Variants in SLC12A7 observed in about 807,000 individuals in gnomAD.
SLC12A7 encodes solute carrier family 12 member 7.
SLC12A7 carries 100 observed loss-of-function variants against 120.6 expected under a neutral mutation model. That is an observed-to-expected ratio of 0.83 (90% CI 0.71 to 0.98). The LOEUF (loss-of-function observed/expected upper bound fraction) is 0.98, where lower values mean the gene tolerates loss of function less well. SLC12A7 is among the 50% of genes least tolerant of loss of function. SLC12A7 has a pLI of 0.00. For synonymous variants in SLC12A7, 760 were observed against 678.0 expected (o/e 1.12, Z -1.88); for missense variants, 1,373 against 1,548.1 (o/e 0.89, Z 1.90).
At position 1,111,993 on chromosome 5, in the gene SLC12A7, G is replaced by A; in HGVS notation, c.-2C>T. ...CACCACGGTGAAGTTGGTGGGCATG[G>A]CCGCCTGCAGCCGACAGTCCCCGTC... is the stretch of plus-strand genomic sequence containing the variant. On this transcript the variant is annotated 5_prime_UTR_variant, in exon 1 of 24. Transcript: ENST00000264930. The A allele has an allele frequency of 5.5e-6, 7 of 1,270,468 alleles. No homozygotes were observed. The highest frequency in any genetic ancestry group is 6.9e-6 in the Non-Finnish European group (7 of 1,009,192). 78.7% of individuals were successfully genotyped at this position (1,270,468 alleles called of 1,614,324 possible).
chr5:1,119,092 G>A, the SLC12A7 span, among the ~76,000 whole-genome samples: 1 of 152,218 alleles, frequency 6.6e-6, no homozygotes, highest in South Asian at 2.1e-4. Flanking sequence ...GCAGCAGCTC[G>A]AAGCCCTCCT....
the SLC12A7 span, among the ~76,000 whole-genome samples, chr5:1,138,985 C>T: frequency 6.6e-6 from 1 of 152,248 alleles, no homozygotes; most frequent in South Asian, 2.1e-4. Context: ...CTGCACCCAC[C>T]ACCCAGGCCT....
intron 18 of SLC12A7, among the ~76,000 whole-genome samples, chr5:1,064,539 C>T (rs1736708558): frequency 6.6e-6 from 1 of 152,246 alleles, no homozygotes; most frequent in South Asian, 2.1e-4. Flanking sequence ...CCAGGGCCTT[C>T]GACAGCCTCA....
the SLC12A7 span, among the ~76,000 whole-genome samples, chr5:1,150,427 A>G: frequency 3.9e-5 from 6 of 152,226 alleles, no homozygotes; most frequent in Non-Finnish European, 5.9e-5. Context: ...ACCAAGGCCC[A>G]AAGGCCCAGC....
At chr5:1,107,722 C>T (rs74490548) in intron 1 of SLC12A7, among the ~76,000 whole-genome samples, 3,785 of 152,300 alleles carry the variant, frequency 0.025, 120 homozygotes, top group East Asian at 0.13. Flanking sequence ...TGGTGTCCAA[C>T]GCTAGACAGA....
chr5:1,075,197 G>A (rs1206646446), intron 15 of SLC12A7, among the ~76,000 whole-genome samples, 174 bp downstream of exon 15: 1 of 152,186 alleles, frequency 6.6e-6, no homozygotes, highest in Non-Finnish European at 1.5e-5. Flanking sequence ...GAAGTGGGAG[G>A]GAAACCCCAG....
In SLC12A7 at chr5:1,077,881, C is replaced by T. The variant is rs757008490; in HGVS notation, c.1581G>A (p.Pro527=). The T allele has an allele frequency of 2.5e-5, 40 of 1,597,488 alleles. No homozygotes were observed. The highest frequency in any genetic ancestry group is 3.1e-5 in the Non-Finnish European group (36 of 1,172,920). ...CACGGGCAATGGCCTGCAGTAGGCG[C>T]GGTGCCCCCGTGAGGCTCTGCAGGC... ...GAGLQSLTGA[P]RLLQAIARDG... The change falls in exon 12 of 24, where the codon CCG becomes CCA. Residue 527 remains proline, a synonymous_variant. Coordinates refer to ENST00000264930, the MANE Select transcript of SLC12A7 (RefSeq NM_006598.3).
chr5:1,087,876 G>A (rs921017019), intron 5 of SLC12A7, among the ~76,000 whole-genome samples: 4 of 151,980 alleles, frequency 2.6e-5, no homozygotes, highest in Non-Finnish European at 2.9e-5. Flanking sequence ...ATATCATCTC[G>A]GTTCACTAGT....
intron 20 of SLC12A7, among the ~76,000 whole-genome samples, chr5:1,061,038 G>T (rs1302192561): frequency 7.8e-6 from 1 of 127,508 alleles, no homozygotes; most frequent in Non-Finnish European, 1.7e-5. Flanking sequence ...CCCGCCGTGC[G>T]GGATCCCTGA....
rs374050825 is a variant in SLC12A7, at chr5:1,081,719, G to T, written c.1155C>A (p.His385Gln). 1 of 1,612,780 alleles carries T rather than the reference G, an allele frequency of 6.2e-7. No homozygotes were observed. Among genetic ancestry groups the T allele is most frequent in the African/African-American group, 1.3e-5 (1 of 74,956 alleles). The change falls in exon 9 of 24, where the codon CAC becomes CAA. Residue 385 changes from histidine to glutamine, a missense_variant. Physicochemically the swap from His to Gln is conservative, Grantham distance 24 (BLOSUM62 0). Coordinates refer to ENST00000264930, the MANE Select transcript of SLC12A7 (RefSeq NM_006598.3). ...FLENLWSTYA[H>Q]AGAFVEKKGV... Reference sequence around the variant, plus strand: ...CTTTCTTCTCCACAAACGCCCCCGCGTGCGCGTACGTACTCCACAGGTTCT... The same window carrying T: ...CTTTCTTCTCCACAAACGCCCCCGCTTGCGCGTACGTACTCCACAGGTTCT...
At position 1,098,986 on chromosome 5, in the gene SLC12A7, G is replaced by A. The variant is rs189498164; in HGVS notation, c.125-4738C>T. Among the ~76,000 whole-genome samples, 44 of 152,144 alleles carry A rather than the reference G, an allele frequency of 2.9e-4. 2 individuals carry two copies. The highest frequency in any genetic ancestry group is 7.9e-4 in the African/African-American group (33 of 41,526). ...GCACATTCATGATGACCGGAAGGCT[G>A]AGAGGACAAACGGACACAGGGGAAA... On this transcript the variant is annotated intron_variant, in intron 1 of 23. Transcript: ENST00000264930.
rs10474881 is a variant in SLC12A7 at position 1,084,141 on chromosome 5, T to C, written c.918-185A>G. On this transcript the variant is annotated intron_variant, in intron 7 of 23. Transcript: ENST00000264930. ...GGCCCAGGCCAGGCTGCAGCAGGAA[T>C]GCAAGGGCCAGGGATCACACTGGGG... Among the ~76,000 whole-genome samples the C allele has an allele frequency of 0.9, 137,189 of 152,102 alleles. 63,518 individuals carry two copies. The highest frequency in any genetic ancestry group is 1 in the East Asian group (5,165 of 5,168).
the SLC12A7 span, among the ~76,000 whole-genome samples, chr5:1,136,691 G>A: frequency 9.6e-6 from 1 of 104,252 alleles, no homozygotes; most frequent in Non-Finnish European, 1.9e-5. Context: ...AGGCACACAC[G>A]TGCTCAGACA....
At chr5:1,093,317 G>A (rs889815290) in intron 3 of SLC12A7, among the ~76,000 whole-genome samples, 2 of 152,180 alleles carry the variant, frequency 1.3e-5, no homozygotes, top group African/African-American at 4.8e-5. Context: ...ATGCATGGGG[G>A]TGTCACGCTT....
At chr5:1,123,694 C>A in the SLC12A7 span, among the ~76,000 whole-genome samples, 2 of 152,228 alleles carry the variant, frequency 1.3e-5, no homozygotes, top group East Asian at 3.9e-4. Flanking sequence ...ACACACGTCA[C>A]GTGTGTTGGC....
intron 9 of SLC12A7, among the ~76,000 whole-genome samples, chr5:1,080,997 C>CG (rs1271296617): frequency 6.9e-6 from 1 of 144,876 alleles, no homozygotes; most frequent in Non-Finnish European, 1.5e-5. Flanking sequence ...GAGAGAGAGA[C>CG]AGAGAGAGAG....
the SLC12A7 span, among the ~76,000 whole-genome samples, chr5:1,139,383 A>G: frequency 2.6e-5 from 4 of 152,250 alleles, no homozygotes; most frequent in Admixed American, 2.0e-4. Flanking sequence ...GCTGGTGCTC[A>G]GCTACATCCT....
chr5:1,075,963 G>A, intron 14 of SLC12A7, 175 bp downstream of exon 14: 1 of 593,172 alleles, frequency 1.7e-6, no homozygotes, highest in Non-Finnish European at 3.0e-6. Flanking sequence ...ACTCCGCAAA[G>A]GAACAGTCAA....
rs369479229 is a variant in SLC12A7, at chr5:1,059,755, T to C, written c.2847+589A>G. 1.7e-3 allele frequency among the ~76,000 whole-genome samples: 191 copies of C among 113,226 alleles called. 2 individuals are homozygous for C. The highest frequency in any genetic ancestry group is 5.6e-3 in the African/African-American group (164 of 29,070). 74.3% of individuals were successfully genotyped at this position (113,226 alleles called of 152,430 possible). A position where few individuals can be genotyped will look rare whatever the true frequency, so the allele number is the denominator to read the frequency against. Reference sequence around the variant, plus strand: ...CACGCACGGAGGCTGCACAGGTCTGTGTCGGGGGGTGGGGGGTGGGGGGGT... The same window carrying C: ...CACGCACGGAGGCTGCACAGGTCTGCGTCGGGGGGTGGGGGGTGGGGGGGT... On this transcript the variant is annotated intron_variant, in intron 21 of 23. Coordinates refer to ENST00000264930, the MANE Select transcript of SLC12A7 (RefSeq NM_006598.3).
Sources: gnomAD v4.1 joint callset for allele counts (sites outside exome capture counted in the v4.1 genomes callset) on GRCh38, gnomAD v4.1.1 for gene constraint, MANE v1.5 for transcripts, NCBI Gene and HGNC (gene_info 2026-07-23, HGNC 2026-07-21) for gene names.